The following TACC2 variants were observed in gnomAD, a reference collection of about 807,000 sequenced individuals.
TACC2 encodes transforming acidic coiled-coil-containing protein 2.
A neutral mutation model predicts 227.3 loss-of-function variants in TACC2; 137 were observed. The ratio of observed to expected loss-of-function variants is 0.60; its 90% confidence interval spans 0.52 to 0.69. The LOEUF is 0.69. TACC2 is among the 30% of genes least tolerant of loss of function. The probability of loss-of-function intolerance (pLI) is 0.00; values close to 1 mark genes in which losing one functional copy is unlikely to be tolerated. For missense variants in TACC2, 3,470 were observed against 3,694.4 expected, an observed-to-expected ratio of 0.94 and a Z score of 1.57; for synonymous variants, 1,523 against 1,487.5, an observed-to-expected ratio of 1.02 and a Z score of -0.55.
chr10:122,237,905 C>A, intron 17 of TACC2, 56 bp from the exon 18 acceptor site: 1 of 1,321,480 alleles, frequency 7.6e-7, no homozygotes, highest in Non-Finnish European at 1.1e-6. Flanking sequence ...ATGAATTGCT[C>A]AGAGCTGAAT....
chr10:122,061,024 G>C (rs992675027), intron 3 of TACC2, among the ~76,000 whole-genome samples: 23 of 16,202 alleles, frequency 1.4e-3, no homozygotes, highest in Admixed American at 5.6e-3. Flanking sequence ...AAAAAAGGGG[G>C]GGGGGCCAGG....
intron 7 of TACC2, among the ~76,000 whole-genome samples, chr10:122,154,797 C>T (rs1013400258): frequency 5.9e-5 from 9 of 152,282 alleles, no homozygotes; most frequent in South Asian, 2.1e-4. Context: ...CATGCAGGCG[C>T]GCACCCACCC....
intron 1 of TACC2, among the ~76,000 whole-genome samples, chr10:122,016,362 T>C (rs530452573): frequency 6.7e-6 from 1 of 149,670 alleles, no homozygotes; most frequent in Non-Finnish European, 1.5e-5. Context: ...AGGTCAAGAG[T>C]TCGAGATCAG....
rs71026005 is a variant in TACC2, at chr10:122,152,999, C to CTTTCTTTTTTTTTTTTTTTTT, written c.5834+9296_5834+9297insCTTTTTTTTTTTTTTTTTTTT. 4.2e-4 allele frequency among the ~76,000 whole-genome samples: 57 copies of CTTTCTTTTTTTTTTTTTTTTT among 135,010 alleles called. 5 individuals are homozygous for CTTTCTTTTTTTTTTTTTTTTT. Among genetic ancestry groups the CTTTCTTTTTTTTTTTTTTTTT allele is most frequent in the Non-Finnish European group, 5.4e-4 (34 of 62,978 alleles). 88.6% of individuals were successfully genotyped at this position (135,010 alleles called of 152,430 possible). On this transcript the variant is annotated intron_variant, in intron 7 of 22. Transcript: ENST00000369005. The stretch of plus-strand genomic sequence containing the variant: ...GCTTTTGATATATATTTCTTTCTTT[C>CTTTCTTTTTTTTTTTTTTTTT]TTTTTTTTTTGAGACGGAGTCTCAC...
chr10:122,069,695 C>T (rs545014290), intron 3 of TACC2, among the ~76,000 whole-genome samples: 1 of 152,136 alleles, frequency 6.6e-6, no homozygotes, highest in African/African-American at 2.4e-5. Flanking sequence ...GAAAAGCCAC[C>T]GTATCAAGTT....
chr10:122,175,895 G>A (rs2093671216), intron 7 of TACC2, among the ~76,000 whole-genome samples: 1 of 152,108 alleles, frequency 6.6e-6, no homozygotes. Context: ...GGCCAGCATG[G>A]CAACATGGCA....
chr10:122,072,498 T>C (rs1429497582), intron 3 of TACC2, among the ~76,000 whole-genome samples: 1 of 152,184 alleles, frequency 6.6e-6, no homozygotes, highest in Admixed American at 6.5e-5. Flanking sequence ...GTGGACACAG[T>C]GTGCTAGGGT....
intron 2 of TACC2, among the ~76,000 whole-genome samples, chr10:122,026,235 G>A (rs973319462): frequency 6.9e-6 from 1 of 144,308 alleles, no homozygotes; most frequent in Non-Finnish European, 1.5e-5. Flanking sequence ...GGCTGAGGCA[G>A]GAGAATAGCA....
At chr10:122,013,548 T>C (rs535595055) in intron 1 of TACC2, among the ~76,000 whole-genome samples, 1 of 152,240 alleles carries the variant, frequency 6.6e-6, no homozygotes, top group African/African-American at 2.4e-5. Flanking sequence ...GGGCTATCTG[T>C]GAATAGCAAT....
rs1240088133 is a variant in TACC2 at position 121,997,637 on chromosome 10, G to A, written c.-46+8149G>A. Among the ~76,000 whole-genome samples, 6 of 152,056 alleles carry A rather than the reference G, an allele frequency of 3.9e-5. 1 individual carries two copies. In the South Asian group the frequency reaches 1.0e-3, roughly 26 times the overall value. ...GAACAAAGGCAGGCCTTCCAACGTG[G>A]CTGCTCAAGTGTGTGCTGTCATGGG... On this transcript the variant is annotated intron_variant, in intron 1 of 22. Transcript: ENST00000369005.
rs368215993 is a variant in TACC2 at position 122,050,414 on chromosome 10, C to T, written c.34-24C>T. On this transcript the variant is annotated intron_variant, in intron 2 of 22. Transcript: ENST00000369005. This position sits in a 1 kb window ranked among gnomAD's most constrained non-coding sequence, Gnocchi z 4.6. Reference sequence around the variant, plus strand: ...AGAGACTCCTATCTGATTTCCTTTCCAATTTCTTTTTCTCCTGGCTCAGAG... The same window carrying T: ...AGAGACTCCTATCTGATTTCCTTTCTAATTTCTTTTTCTCCTGGCTCAGAG... 2.3e-5 allele frequency: 37 copies of T among 1,589,570 alleles called. No individual in the cohort carries two copies. In the African/African-American group the frequency reaches 4.6e-4, roughly 20 times the overall value.
At chr10:122,238,073 G>T in intron 18 of TACC2, 36 bp downstream of exon 18, 1 of 1,557,510 alleles carries the variant, frequency 6.4e-7, no homozygotes. Context: ...CGTGCCTGAG[G>T]GATACTTACC....
At chr10:122,237,938 T>A in intron 17 of TACC2, 23 bp from the exon 18 acceptor site, 1 of 1,590,318 alleles carries the variant, frequency 6.3e-7, no homozygotes, top group Non-Finnish European at 8.6e-7. Flanking sequence ...GGCTAACCTT[T>A]CTCTTCTTCT....
chr10:122,192,326 C>T, intron 7 of TACC2: 1 of 233,722 alleles, frequency 4.3e-6, no homozygotes, highest in Non-Finnish European at 8.7e-6. Flanking sequence ...TGGGCAGTTG[C>T]TGCAGCGGAG....
At chr10:122,181,632 T>G (rs908332183) in intron 7 of TACC2, among the ~76,000 whole-genome samples, 1 of 152,216 alleles carries the variant, frequency 6.6e-6, no homozygotes, top group African/African-American at 2.4e-5. Flanking sequence ...GATGCTCATA[T>G]TTGATGGCTG....
rs1201048578 is a variant in TACC2, at chr10:122,254,104, T to C, written c.*48T>C. The C allele has an allele frequency of 6.8e-7, 1 of 1,471,522 alleles. No individual in the cohort carries two copies. Among genetic ancestry groups the C allele is most frequent in the Non-Finnish European group, 9.5e-7 (1 of 1,050,096 alleles). 91.2% of individuals were successfully genotyped at this position (1,471,522 alleles called of 1,614,324 possible). Reference sequence around the variant, plus strand: ...TTAACTGTTGCGTGCAATATGACCGTCGGCACACTGCTGTTCCTCCAGTTC... The same window carrying C: ...TTAACTGTTGCGTGCAATATGACCGCCGGCACACTGCTGTTCCTCCAGTTC... On this transcript the variant is annotated 3_prime_UTR_variant, in exon 23 of 23. Transcript: ENST00000369005.
At chr10:122,022,345 G>A (rs1446336167) in intron 2 of TACC2, 6 of 213,854 alleles carry the variant, frequency 2.8e-5, no homozygotes, top group Non-Finnish European at 3.7e-5. Flanking sequence ...GGACTAAAGC[G>A]ATCCTCCTGC....
intron 16 of TACC2, among the ~76,000 whole-genome samples, chr10:122,236,218 G>A (rs2095854495): frequency 6.6e-6 from 1 of 152,004 alleles, no homozygotes; most frequent in Non-Finnish European, 1.5e-5. Flanking sequence ...GTTAATGTTG[G>A]CTCTTTAATC....
Position 122,194,297 on chromosome 10 carries a change from A to G in TACC2, c.5835-743A>G, listed in dbSNP as rs1286706444. On this transcript the variant is annotated intron_variant, in intron 7 of 22. Transcript: ENST00000369005. The surrounding 1 kb of genome is among the most constrained non-coding windows in gnomAD (Gnocchi z 4.4). ...TTGTTAGTGGGCAGAGTTTCTCCAC[A>G]TGGATTTTTGGTCCAGTTCTCTGGG... Among the ~76,000 whole-genome samples the G allele has an allele frequency of 2.6e-5, 4 of 152,072 alleles. No homozygotes were observed. Among genetic ancestry groups the G allele is most frequent in the South Asian group, 2.1e-4 (1 of 4,812 alleles).
Sources: allele counts gnomAD v4.1 joint callset (sites outside exome capture counted in the v4.1 genomes callset), GRCh38; gene constraint gnomAD v4.1.1; non-coding constraint Gnocchi (gnomAD v3.1); transcripts MANE v1.5; gene names NCBI Gene and HGNC (gene_info 2026-07-23, HGNC 2026-07-21).